Variants in FBXL7 observed in about 807,000 individuals in gnomAD.
The protein encoded by FBXL7 is F-box/LRR-repeat protein 7.
A neutral mutation model predicts 38.3 loss-of-function variants in FBXL7; 12 were observed. The observed-to-expected ratio is 0.31, with a 90% CI of 0.20 to 0.51. The LOEUF (loss-of-function observed/expected upper bound fraction) is 0.51, where lower values mean the gene tolerates loss of function less well. Among genes scored for constraint, FBXL7 ranks in the 20% least tolerant of loss-of-function variants. The pLI is 0.98. For missense variants in FBXL7, 567 were observed against 676.4 expected, an observed-to-expected ratio of 0.84 and a Z score of 1.79; for synonymous variants, 297 against 300.9, an observed-to-expected ratio of 0.99 and a Z score of 0.13.
intron 2 of FBXL7, among the ~76,000 whole-genome samples, chr5:15,670,288 T>G (rs1742423434): frequency 1.3e-5 from 2 of 152,250 alleles, no homozygotes; most frequent in Admixed American, 1.3e-4. Flanking sequence ...AAACTTCTAA[T>G]TTCATCATCG....
chr5:15,855,305 G>A (rs398082), intron 2 of FBXL7, among the ~76,000 whole-genome samples: 81,020 of 151,860 alleles, frequency 0.53, 22,848 homozygotes, highest in Non-Finnish European at 0.64. Flanking sequence ...CTGAAAAATA[G>A]ACACTTGATG....
At chr5:15,728,555 G>C (rs1037227116) in intron 2 of FBXL7, among the ~76,000 whole-genome samples, 7 of 152,114 alleles carry the variant, frequency 4.6e-5, no homozygotes, top group Admixed American at 4.6e-4. Flanking sequence ...ATAGTCTGTG[G>C]AGAAAGCCTG....
At chr5:15,563,035 C>T (rs1204461748) in intron 1 of FBXL7, among the ~76,000 whole-genome samples, 2 of 152,098 alleles carry the variant, frequency 1.3e-5, no homozygotes, top group East Asian at 3.9e-4. Context: ...CTTATCTTTT[C>T]TTCTGCTGAT....
intron 2 of FBXL7, among the ~76,000 whole-genome samples, chr5:15,719,113 C>G (rs4435862): frequency 0.56 from 84,792 of 151,984 alleles, 23,918 homozygotes; most frequent in East Asian, 0.73. Context: ...TCACACATTT[C>G]TCCAGGGGAT....
intron 2 of FBXL7, 75 bp downstream of exon 2, chr5:15,616,147 G>A: frequency 9.6e-7 from 1 of 1,040,650 alleles, no homozygotes; most frequent in South Asian, 1.4e-5. Context: ...ATAAAGTGTG[G>A]GAGTGTTAGT....
chr5:15,744,686 G>T (rs530503265), intron 2 of FBXL7, among the ~76,000 whole-genome samples: 21 of 152,230 alleles, frequency 1.4e-4, no homozygotes, highest in Admixed American at 1.2e-3. Context: ...ACTCTCTGTT[G>T]TAGCAATTTA....
At chr5:15,914,373 A>G (rs1213994326) in intron 2 of FBXL7, among the ~76,000 whole-genome samples, 1 of 144,634 alleles carries the variant, frequency 6.9e-6, no homozygotes, top group Non-Finnish European at 1.5e-5. Flanking sequence ...GCGACAGAGC[A>G]AGACTCCCTC....
rs775813452 is a variant in FBXL7 at position 15,928,935 on chromosome 5, C to T, written c.739+434C>T. ...TTTTAAATGTCTTTACTCTTCATAA[C>T]TCTCACAGTTACTTCAGAGCAACCA... On this transcript the variant is annotated intron_variant, in intron 3 of 3. Transcript: ENST00000504595. This position sits in a 1 kb window ranked among gnomAD's most constrained non-coding sequence, Gnocchi z 4.0. Among the ~76,000 whole-genome samples the T allele has an allele frequency of 2.6e-5, 4 of 152,156 alleles. No individual in the cohort carries two copies. Among genetic ancestry groups the T allele is most frequent in the Admixed American group, 6.5e-5 (1 of 15,276 alleles).
chr5:15,566,567 T>G (rs560543862), intron 1 of FBXL7, among the ~76,000 whole-genome samples: 1 of 152,290 alleles, frequency 6.6e-6, no homozygotes, highest in Admixed American at 6.5e-5. Flanking sequence ...GGACCTTGTC[T>G]TTTTTAATGC....
At chr5:15,636,862 G>A (rs1741202185) in intron 2 of FBXL7, among the ~76,000 whole-genome samples, 2 of 152,134 alleles carry the variant, frequency 1.3e-5, no homozygotes, top group South Asian at 2.1e-4. Flanking sequence ...GGAAAATACA[G>A]TAAAATGATC....
chr5:15,635,730 A>G (rs1326911164), intron 2 of FBXL7, among the ~76,000 whole-genome samples: 5 of 152,146 alleles, frequency 3.3e-5, no homozygotes, highest in Admixed American at 1.3e-4. Context: ...TCTAGGACAT[A>G]AAAAGGATGT....
chr5:15,573,483 A>G (rs948907747), intron 1 of FBXL7, among the ~76,000 whole-genome samples: 1 of 152,224 alleles, frequency 6.6e-6, no homozygotes, highest in African/African-American at 2.4e-5. Context: ...GTAAAATAAA[A>G]GAAGGGGGAA....
At chr5:15,626,544 CTGTG>C (rs71603784) in intron 2 of FBXL7, among the ~76,000 whole-genome samples, 55 of 148,336 alleles carry the variant, frequency 3.7e-4, no homozygotes, top group Admixed American at 1.2e-3. Context: ...AATTCGTTTC[CTGTG>C]TGTGTGTGTG....
At chr5:15,728,397 G>T (rs966653252) in intron 2 of FBXL7, among the ~76,000 whole-genome samples, 1 of 152,128 alleles carries the variant, frequency 6.6e-6, no homozygotes, top group Non-Finnish European at 1.5e-5. Flanking sequence ...GATAATAGGG[G>T]ACTGGGATTT....
At chr5:15,821,478 C>T (rs1290689037) in intron 2 of FBXL7, among the ~76,000 whole-genome samples, 1 of 152,180 alleles carries the variant, frequency 6.6e-6, no homozygotes, top group Non-Finnish European at 1.5e-5. Flanking sequence ...GAATTCCACC[C>T]CTGCTGCTGA....
chr5:15,753,975 C>T (rs1299186441), intron 2 of FBXL7, among the ~76,000 whole-genome samples: 2 of 152,212 alleles, frequency 1.3e-5, no homozygotes, highest in African/African-American at 4.8e-5. Flanking sequence ...ACTTTCATGA[C>T]TCTCAGCATT....
At chr5:15,895,472 A>G (rs1741067992) in intron 2 of FBXL7, among the ~76,000 whole-genome samples, 1 of 152,104 alleles carries the variant, frequency 6.6e-6, no homozygotes, top group Non-Finnish European at 1.5e-5. Context: ...GAAGAATATG[A>G]GATTAAAATA....
intron 2 of FBXL7, among the ~76,000 whole-genome samples, chr5:15,788,220 T>A (rs1737181577): frequency 6.6e-6 from 1 of 152,146 alleles, no homozygotes; most frequent in Non-Finnish European, 1.5e-5. Flanking sequence ...TCTGCAAAGA[T>A]TCTGTTTCCA....
chr5:15,875,557 G>A (rs1740164384), intron 2 of FBXL7, among the ~76,000 whole-genome samples: 1 of 151,600 alleles, frequency 6.6e-6, no homozygotes, highest in Admixed American at 6.6e-5. Context: ...AAATTTACAA[G>A]AAAAAAACAA....
Sources: gnomAD v4.1 joint callset for allele counts (sites outside exome capture counted in the v4.1 genomes callset) on GRCh38, gnomAD v4.1.1 for gene constraint, Gnocchi (gnomAD v3.1) non-coding constraint, MANE v1.5 for transcripts, NCBI Gene and HGNC (gene_info 2026-07-23, HGNC 2026-07-21) for gene names.